ESRRG: variants seen among roughly 807,000 people sequenced by gnomAD.
The protein encoded by ESRRG is estrogen related receptor gamma, also known as estrogen-related receptor gamma.
In ESRRG, 13 loss-of-function variants were observed where a neutral mutation model predicts 44.0. That is an observed-to-expected ratio of 0.30 (90% CI 0.19 to 0.47). The LOEUF is 0.47. Ranked by LOEUF, ESRRG falls within the 20% of genes least tolerant of loss-of-function variation. The pLI is 1.00. For synonymous variants in ESRRG, 215 were observed against 214.6 expected (o/e 1.00, Z -0.02); for missense variants, 395 against 580.6 (o/e 0.68, Z 3.29).
chr1:216,733,883 G>A (rs1274854630), intron 2 of ESRRG, among the ~76,000 whole-genome samples: 1 of 151,648 alleles, frequency 6.6e-6, no homozygotes, highest in African/African-American at 2.4e-5. Flanking sequence ...TTAGCTATTG[G>A]GAGGTTGAGG....
intron 3 of ESRRG, among the ~76,000 whole-genome samples, chr1:216,594,886 G>A (rs1002054152): frequency 6.6e-6 from 1 of 152,196 alleles, no homozygotes; most frequent in Admixed American, 6.5e-5. Context: ...GTCTTTAGTG[G>A]TAGAACTTTG....
intron 5 of ESRRG, among the ~76,000 whole-genome samples, chr1:216,539,053 T>A (rs1333696111): frequency 6.6e-6 from 1 of 152,022 alleles, no homozygotes; most frequent in Non-Finnish European, 1.5e-5. Context: ...TACATGCTTA[T>A]TTCTCAAATC....
chr1:216,685,301 C>T (rs1241524200), intron 1 of ESRRG, among the ~76,000 whole-genome samples: 1 of 152,040 alleles, frequency 6.6e-6, no homozygotes, highest in African/African-American at 2.4e-5. Flanking sequence ...ACAATATATG[C>T]TGAATGTAAC....
intron 5 of ESRRG, among the ~76,000 whole-genome samples, chr1:216,532,884 C>T (rs932704992): frequency 3.3e-5 from 5 of 152,052 alleles, no homozygotes; most frequent in African/African-American, 1.2e-4. Context: ...TAAATCACAA[C>T]GAGGTTGGGG....
At chr1:217,122,857 T>C (rs1011548713) in intron 1 of ESRRG, among the ~76,000 whole-genome samples, 1 of 151,778 alleles carries the variant, frequency 6.6e-6, no homozygotes, top group Admixed American at 6.6e-5. Context: ...TTCTTTTTTT[T>C]TATTTTTAGT....
At chr1:216,840,834 G>T (rs1227755624) in intron 2 of ESRRG, among the ~76,000 whole-genome samples, 1 of 151,990 alleles carries the variant, frequency 6.6e-6, no homozygotes, top group Non-Finnish European at 1.5e-5. Context: ...GTCTTATATG[G>T]GTATGGTTTG....
At chr1:216,671,213 GTT>G (rs2075106142) in intron 2 of ESRRG, among the ~76,000 whole-genome samples, 1 of 152,178 alleles carries the variant, frequency 6.6e-6, no homozygotes, top group Non-Finnish European at 1.5e-5. Flanking sequence ...ATTCAGGCTT[GTT>G]TTTTGATGTA....
chr1:217,032,712 C>T (rs1040414702), intron 1 of ESRRG, among the ~76,000 whole-genome samples: 3 of 152,140 alleles, frequency 2.0e-5, no homozygotes, highest in African/African-American at 7.2e-5. Flanking sequence ...AATGATAGTA[C>T]ATATCAGTTT....
chr1:216,800,982 C>G (rs576902798), intron 2 of ESRRG, among the ~76,000 whole-genome samples: 4 of 152,078 alleles, frequency 2.6e-5, no homozygotes, highest in South Asian at 4.2e-4. Context: ...CACACCAATT[C>G]TTTTTTTAAT....
At chr1:216,766,507 C>A (rs2093084819) in intron 2 of ESRRG, among the ~76,000 whole-genome samples, 1 of 151,954 alleles carries the variant, frequency 6.6e-6, no homozygotes, top group African/African-American at 2.4e-5. Flanking sequence ...GAAAACTGTT[C>A]ATTCATTTAC....
intron 1 of ESRRG, among the ~76,000 whole-genome samples, chr1:217,058,475 A>C (rs2087628759): frequency 6.6e-6 from 1 of 152,142 alleles, no homozygotes; most frequent in African/African-American, 2.4e-5. Context: ...CTGGCAGTGA[A>C]TATTAAGTAT....
At chr1:216,996,979 T>C (rs2076449966) in intron 1 of ESRRG, among the ~76,000 whole-genome samples, 1 of 152,182 alleles carries the variant, frequency 6.6e-6, no homozygotes, top group Non-Finnish European at 1.5e-5. Flanking sequence ...TAATAGTATG[T>C]CTTGGCCAAA....
intron 4 of ESRRG, among the ~76,000 whole-genome samples, chr1:216,567,530 C>T (rs1253005317): frequency 6.6e-6 from 1 of 152,078 alleles, no homozygotes; most frequent in Non-Finnish European, 1.5e-5. Context: ...ATTAATGAGG[C>T]CCCTAATGTA....
intron 1 of ESRRG, among the ~76,000 whole-genome samples, chr1:217,120,126 T>C (rs34759185): frequency 0.062 from 9,399 of 152,184 alleles, 387 homozygotes; most frequent in South Asian, 0.12. Flanking sequence ...TCCTCTTAGA[T>C]TTCTCCAAGG....
At chr1:216,524,570 G>A (rs549609792) in intron 5 of ESRRG, among the ~76,000 whole-genome samples, 56 of 152,126 alleles carry the variant, frequency 3.7e-4, no homozygotes, top group South Asian at 3.1e-3. Flanking sequence ...ACAATTGGGT[G>A]AAATGTAAGA....
chr1:217,134,736 G>A (rs1353415034), intron 1 of ESRRG, among the ~76,000 whole-genome samples: 1 of 152,210 alleles, frequency 6.6e-6, no homozygotes, highest in Non-Finnish European at 1.5e-5. Context: ...TCTTGCTCCG[G>A]GCTGAGGCTC....
chr1:217,127,174 A>G (rs1458202122), intron 1 of ESRRG, among the ~76,000 whole-genome samples: 1 of 152,178 alleles, frequency 6.6e-6, no homozygotes, highest in Non-Finnish European at 1.5e-5. Context: ...TCGAAGTCTC[A>G]TTGCTCTGTG....
In ESRRG at chr1:217,095,971, T is replaced by C. The variant is rs191224560; in HGVS notation, c.-230+41696A>G. Among the ~76,000 whole-genome samples, 450 of 152,364 alleles carry C rather than the reference T, an allele frequency of 3.0e-3. 1 individual carries two copies. The highest frequency in any genetic ancestry group is 5.1e-3 in the Non-Finnish European group (350 of 68,042). On this transcript the variant is annotated intron_variant, in intron 1 of 8. Coordinates refer to the ESRRG transcript ENST00000366940. Reference sequence around the variant, plus strand: ...TTGGGAATCATCAGTAAATTAGTGATGGCTTAAGCTGGTAATAAAAGTGTG... The same window carrying C: ...TTGGGAATCATCAGTAAATTAGTGACGGCTTAAGCTGGTAATAAAAGTGTG...
chr1:216,755,755 AAAC>A (rs2092401986), intron 2 of ESRRG, among the ~76,000 whole-genome samples: 1 of 152,154 alleles, frequency 6.6e-6, no homozygotes, highest in Non-Finnish European at 1.5e-5. Flanking sequence ...TCAGTGGCAG[AAAC>A]AACAAGAAAC....
Sources: allele counts gnomAD v4.1 joint callset (sites outside exome capture counted in the v4.1 genomes callset), GRCh38; gene constraint gnomAD v4.1.1; transcripts MANE v1.5; gene names NCBI Gene and HGNC (gene_info 2026-07-23, HGNC 2026-07-21).